Variants in MAGI1 observed in about 807,000 individuals in gnomAD.
The protein encoded by MAGI1 is membrane-associated guanylate kinase, WW and PDZ domain-containing protein 1.
In MAGI1, 58 loss-of-function variants were observed where a neutral mutation model predicts 139.9. The observed-to-expected ratio is 0.41, with a 90% confidence interval of 0.34 to 0.52. MAGI1 has a LOEUF of 0.52. MAGI1 is among the 20% of genes least tolerant of loss of function. MAGI1 has a pLI of 0.12. For synonymous variants in MAGI1, 812 were observed against 737.9 expected, an observed-to-expected ratio of 1.10 and a Z score of -1.63; for missense variants, 1,874 against 1,901.6, an observed-to-expected ratio of 0.99 and a Z score of 0.27.
chr3:65,870,470 G>A (rs2059899889), intron 1 of MAGI1, among the ~76,000 whole-genome samples: 1 of 151,876 alleles, frequency 6.6e-6, no homozygotes, highest in African/African-American at 2.4e-5. Flanking sequence ...CCTGGCCCCG[G>A]CTCCATGAAT....
At chr3:65,570,718 C>G (rs546423649) in intron 2 of MAGI1, among the ~76,000 whole-genome samples, 1 of 152,288 alleles carries the variant, frequency 6.6e-6, no homozygotes, top group South Asian at 2.1e-4. Flanking sequence ...TGATGGGCAT[C>G]TGGGCATCTA....
chr3:65,734,976 T>G (rs896125272), intron 1 of MAGI1, among the ~76,000 whole-genome samples: 2 of 152,016 alleles, frequency 1.3e-5, no homozygotes, highest in Non-Finnish European at 2.9e-5. Context: ...ACAATTCACA[T>G]AAAAGCTTCT....
At chr3:65,434,098 C>T (rs926852076) in intron 10 of MAGI1, among the ~76,000 whole-genome samples, 1 of 152,050 alleles carries the variant, frequency 6.6e-6, no homozygotes, top group African/African-American at 2.4e-5. Context: ...CTAAAACAAC[C>T]AAAAACCTTT....
At chr3:65,784,808 C>T (rs1329281049) in intron 1 of MAGI1, among the ~76,000 whole-genome samples, 4 of 152,174 alleles carry the variant, frequency 2.6e-5, no homozygotes, top group Non-Finnish European at 1.5e-5. Flanking sequence ...CTGATGCATG[C>T]TACAACATGG....
Position 65,620,596 on chromosome 3 carries a change from T to C in MAGI1, c.430+1376A>G, listed in dbSNP as rs536420648. The stretch of plus-strand genomic sequence containing the variant: ...TATGTGATTAGCATTAGGAATTAAT[T>C]ATTATTAAGCCAAAATATAAGAAAT... On this transcript the variant is annotated intron_variant, in intron 2 of 22. Coordinates refer to ENST00000402939, the MANE Select transcript of MAGI1 (RefSeq NM_001033057.2). Among the ~76,000 whole-genome samples, 20 of 152,338 alleles carry C rather than the reference T, an allele frequency of 1.3e-4. No individual in the cohort carries two copies. The East Asian group carries it at 3.7e-3, about 28-fold the overall frequency.
chr3:65,815,902 C>T (rs904545293), intron 1 of MAGI1, among the ~76,000 whole-genome samples: 4 of 152,226 alleles, frequency 2.6e-5, no homozygotes, highest in South Asian at 4.2e-4. Context: ...GACTCCCCAA[C>T]GCAGAGATCT....
chr3:65,817,264 G>C (rs930309775), intron 1 of MAGI1, among the ~76,000 whole-genome samples: 4 of 151,992 alleles, frequency 2.6e-5, no homozygotes, highest in Non-Finnish European at 5.9e-5. Flanking sequence ...TTTGAATTTT[G>C]TATATCAGAT....
At chr3:65,814,719 C>T (rs1049469201) in intron 1 of MAGI1, among the ~76,000 whole-genome samples, 9 of 152,128 alleles carry the variant, frequency 5.9e-5, no homozygotes, top group African/African-American at 2.2e-4. Flanking sequence ...CAGAATCTTA[C>T]AGAACTCTTT....
intron 1 of MAGI1, among the ~76,000 whole-genome samples, chr3:65,777,472 G>A (rs1577080427): frequency 6.6e-6 from 1 of 152,046 alleles, no homozygotes; most frequent in East Asian, 1.9e-4. Context: ...ATACCAAATG[G>A]ACTTGAAAAC....
chr3:65,713,339 A>T (rs1202380859), intron 1 of MAGI1, among the ~76,000 whole-genome samples: 1 of 152,190 alleles, frequency 6.6e-6, no homozygotes, highest in Non-Finnish European at 1.5e-5. Flanking sequence ...ACCCACAGGG[A>T]GCTCTGGAAA....
chr3:65,413,004 A>T (rs767170958), intron 12 of MAGI1, among the ~76,000 whole-genome samples: 1 of 152,110 alleles, frequency 6.6e-6, no homozygotes, highest in Non-Finnish European at 1.5e-5. Flanking sequence ...TTACTTACTA[A>T]AGCAAACTTT....
intron 1 of MAGI1, among the ~76,000 whole-genome samples, chr3:65,757,221 T>A (rs2036632064): frequency 6.6e-6 from 1 of 152,220 alleles, no homozygotes; most frequent in Non-Finnish European, 1.5e-5. Context: ...AAGCACTGAC[T>A]TATAACCATT....
intron 1 of MAGI1, among the ~76,000 whole-genome samples, chr3:65,918,537 C>T (rs902918109): frequency 6.6e-6 from 1 of 152,014 alleles, no homozygotes; most frequent in East Asian, 1.9e-4. Context: ...TGCACCACCA[C>T]GCCCAGCTAA....
chr3:65,476,190 T>C (rs550687436), intron 4 of MAGI1, among the ~76,000 whole-genome samples: 60 of 152,146 alleles, frequency 3.9e-4, no homozygotes, highest in Admixed American at 7.2e-4. Flanking sequence ...AGTTAGTGTA[T>C]GACAGATTGT....
chr3:65,736,361 G>C (rs1354174571), intron 1 of MAGI1, among the ~76,000 whole-genome samples: 1 of 152,138 alleles, frequency 6.6e-6, no homozygotes, highest in Non-Finnish European at 1.5e-5. Context: ...GGGCTCTCCA[G>C]AGAAACAGAA....
At chr3:65,983,782 A>G (rs1415567402) in intron 1 of MAGI1, among the ~76,000 whole-genome samples, 1 of 152,172 alleles carries the variant, frequency 6.6e-6, no homozygotes, top group Non-Finnish European at 1.5e-5. Flanking sequence ...AACTTTGCCA[A>G]ATTACTTAAC....
chr3:65,496,545 G>A (rs1328287039), intron 2 of MAGI1, among the ~76,000 whole-genome samples: 5 of 152,184 alleles, frequency 3.3e-5, no homozygotes, highest in Non-Finnish European at 4.4e-5. Context: ...GTATTTTAAA[G>A]AGCTACAGCA....
chr3:65,825,041 A>T (rs998198911), intron 1 of MAGI1, among the ~76,000 whole-genome samples: 1 of 152,360 alleles, frequency 6.6e-6, no homozygotes, highest in African/African-American at 2.4e-5. Flanking sequence ...AAGAAGAGGG[A>T]AGAGTAACTT....
intron 1 of MAGI1, among the ~76,000 whole-genome samples, chr3:65,964,190 G>A (rs979274183): frequency 1.3e-5 from 2 of 152,130 alleles, no homozygotes; most frequent in Non-Finnish European, 2.9e-5. Flanking sequence ...CATTCACAGT[G>A]TACCTCTGCC....
Sources: gnomAD v4.1 joint callset for allele counts (sites outside exome capture counted in the v4.1 genomes callset) on GRCh38, gnomAD v4.1.1 for gene constraint, MANE v1.5 for transcripts, NCBI Gene and HGNC (gene_info 2026-07-23, HGNC 2026-07-21) for gene names.